ZC3H12B: variants seen among roughly 807,000 people sequenced by gnomAD.
The protein encoded by ZC3H12B is zinc finger CCCH-type containing 12B, also known as probable ribonuclease ZC3H12B.
A neutral mutation model predicts 43.9 loss-of-function variants in ZC3H12B; 7 were observed. The observed-to-expected ratio is 0.16, with a 90% CI of 0.09 to 0.30. ZC3H12B has a LOEUF of 0.30. Among genes scored for constraint, ZC3H12B ranks in the 10% least tolerant of loss-of-function variants. The pLI, the probability that ZC3H12B is intolerant of heterozygous loss-of-function variation, is 1.00. For synonymous variants in ZC3H12B, 222 were observed against 241.7 expected (o/e 0.92, Z 0.76); for missense variants, 475 against 670.2 (o/e 0.71, Z 3.22).
At chrX:65,341,407 A>G in the ZC3H12B span, among the ~76,000 whole-genome samples, 7 of 111,697 alleles carry the variant, frequency 6.3e-5, no homozygotes, top group South Asian at 3.8e-4. Context: ...ACATATAACC[A>G]TCAGATTTTC....
the ZC3H12B span, among the ~76,000 whole-genome samples, chrX:65,209,526 G>A: frequency 3.0e-5 from 3 of 100,870 alleles, no homozygotes; most frequent in Admixed American, 3.3e-4. Flanking sequence ...TAGTTTGATT[G>A]CACTGTGGTC....
At chrX:65,136,088 T>C in the ZC3H12B span, among the ~76,000 whole-genome samples, 1 of 111,939 alleles carries the variant, frequency 8.9e-6, no homozygotes, top group Non-Finnish European at 1.9e-5. Flanking sequence ...GGTCTTAATA[T>C]GATGAATGAT....
chrX:65,488,093 G>A (rs907459019), upstream of ZC3H12B, among the ~76,000 whole-genome samples: 5 of 110,377 alleles, frequency 4.5e-5, no homozygotes, highest in East Asian at 5.7e-4. Context: ...GGATGGTCTC[G>A]ATCTCCTGAC....
the ZC3H12B span, among the ~76,000 whole-genome samples, chrX:65,215,910 G>A: frequency 9.0e-6 from 1 of 111,355 alleles, no homozygotes; most frequent in African/African-American, 3.3e-5. Flanking sequence ...TTTGTCTCAG[G>A]GAATAGGGAA....
the ZC3H12B span, among the ~76,000 whole-genome samples, chrX:65,203,499 G>T: frequency 9.1e-6 from 1 of 110,376 alleles, no homozygotes; most frequent in Non-Finnish European, 1.9e-5. Flanking sequence ...TTCCTTTCTG[G>T]CCCAGAGTGG....
At chrX:65,311,270 A>C in the ZC3H12B span, among the ~76,000 whole-genome samples, 2 of 112,217 alleles carry the variant, frequency 1.8e-5, no homozygotes, top group Non-Finnish European at 3.8e-5. Context: ...TAATATCCAG[A>C]ATCTAAAAAG....
At chrX:65,120,373 A>G in the ZC3H12B span, among the ~76,000 whole-genome samples, 1 of 111,392 alleles carries the variant, frequency 9.0e-6, no homozygotes, top group Admixed American at 9.5e-5. Context: ...ATCACTTGTA[A>G]GTTGGATTCC....
the ZC3H12B span, among the ~76,000 whole-genome samples, chrX:65,144,423 G>T: frequency 9.0e-6 from 1 of 111,669 alleles, no homozygotes; most frequent in Non-Finnish European, 1.9e-5. Flanking sequence ...CAAAGAACGA[G>T]GTTTTTGTTT....
the ZC3H12B span, among the ~76,000 whole-genome samples, chrX:65,046,645 C>G: frequency 3.6e-5 from 4 of 111,942 alleles, no homozygotes; most frequent in Non-Finnish European, 7.5e-5. Flanking sequence ...GTCCAGTGAG[C>G]AGCATTTTAA....
chrX:65,187,605 A>T, the ZC3H12B span, among the ~76,000 whole-genome samples: 1 of 110,163 alleles, frequency 9.1e-6, no homozygotes, highest in Admixed American at 9.7e-5. Flanking sequence ...AATGGCAAAA[A>T]CCGCAATTAC....
the ZC3H12B span, among the ~76,000 whole-genome samples, chrX:65,069,059 T>C: frequency 1.8e-5 from 2 of 110,230 alleles, no homozygotes; most frequent in African/African-American, 6.6e-5. Flanking sequence ...GGATTTTTCT[T>C]TATCTTTGAT....
At chrX:65,104,838 C>T in the ZC3H12B span, among the ~76,000 whole-genome samples, 3 of 111,564 alleles carry the variant, frequency 2.7e-5, no homozygotes, top group Non-Finnish European at 5.7e-5. Context: ...TTGTGGAAAA[C>T]AGTGTGGTGA....
rs923578696 is a variant in ZC3H12B at position 65,413,255 on chromosome X, T to C, written n.407+14551T>C. 4.5e-5 allele frequency among the ~76,000 whole-genome samples: 5 copies of C among 112,298 alleles called. No individual in the cohort carries two copies. The Admixed American group carries it at 4.7e-4, about 11-fold the overall frequency. On this transcript the variant is annotated intron_variant and non_coding_transcript_variant, in intron 3 of 5. Coordinates refer to the ZC3H12B transcript ENST00000617377. ...TTCTCTCATTCTATGGGTTGCCTTT[T>C]CACTTTCTTGATCATGTTCGTTAAA...
At chrX:65,136,523 A>G in the ZC3H12B span, among the ~76,000 whole-genome samples, 31 of 111,117 alleles carry the variant, frequency 2.8e-4, no homozygotes, top group Non-Finnish European at 5.5e-4. Flanking sequence ...GTTTGGGGTA[A>G]TCTCACAGTT....
exon 2 of ZC3H12B, chrX:65,497,219 A>G (rs377014974): frequency 1.2e-5 from 15 of 1,210,787 alleles, no homozygotes; most frequent in Admixed American, 2.2e-5. Context: ...ATATTACTGT[A>G]TTTGTGCCTG....
chrX:65,073,490 G>A, the ZC3H12B span, among the ~76,000 whole-genome samples: 1 of 112,269 alleles, frequency 8.9e-6, no homozygotes, highest in African/African-American at 3.2e-5. Flanking sequence ...GCAGACCAAG[G>A]GGTGTTCAGA....
At chrX:65,444,955 A>G (rs1172755715) in intron 3 of ZC3H12B, among the ~76,000 whole-genome samples, 1 of 111,691 alleles carries the variant, frequency 9.0e-6, no homozygotes, top group African/African-American at 3.3e-5. Flanking sequence ...CGAGCTCACT[A>G]ATTCTTTTTT....
chrX:65,363,995 AC>A (rs1174529932), upstream of ZC3H12B, among the ~76,000 whole-genome samples: 2 of 109,928 alleles, frequency 1.8e-5, no homozygotes, highest in Non-Finnish European at 3.8e-5. Context: ...ACCACACCTG[AC>A]CCCCATGACT....
intron 2 of ZC3H12B, among the ~76,000 whole-genome samples, chrX:65,397,874 C>T: frequency 9.0e-6 from 1 of 111,690 alleles, no homozygotes; most frequent in East Asian, 2.8e-4. Flanking sequence ...TTTTATACTT[C>T]ACAAAACCCA....
Sources: gnomAD v4.1 joint callset for allele counts (sites outside exome capture counted in the v4.1 genomes callset) on GRCh38, gnomAD v4.1.1 for gene constraint, MANE v1.5 for transcripts, NCBI Gene and HGNC (gene_info 2026-07-23, HGNC 2026-07-21) for gene names.